SGCD: variants seen among roughly 807,000 people sequenced by gnomAD.
The protein encoded by SGCD is sarcoglycan delta.
In SGCD, 18 loss-of-function variants were observed where a neutral mutation model predicts 36.6. The observed-to-expected ratio is 0.49, with a 90% CI of 0.34 to 0.73. The LOEUF is 0.73. Ranked by LOEUF, SGCD falls within the 30% of genes least tolerant of loss-of-function variation. The probability of loss-of-function intolerance (pLI) is 0.01; values close to 1 mark genes in which losing one functional copy is unlikely to be tolerated. For missense variants in SGCD, 387 were observed against 346.7 expected (o/e 1.12, Z -0.92); for synonymous variants, 133 against 130.6 (o/e 1.02, Z -0.12).
At chr5:155,927,227 T>G (rs1757010870) in intron 1 of SGCD, among the ~76,000 whole-genome samples, 1 of 152,212 alleles carries the variant, frequency 6.6e-6, no homozygotes, top group Non-Finnish European at 1.5e-5. Context: ...GAATAATGAC[T>G]GGAGAATAGT....
chr5:156,136,447 T>C lies in SGCD; in HGVS notation c.-44+12428T>C, dbSNP rs114009853. Reference sequence around the variant, plus strand: ...TTAGAATAAAAATATGTTTCTTTTTTCTCAGAAATGGATGACCACATGCAA... The same window carrying C: ...TTAGAATAAAAATATGTTTCTTTTTCCTCAGAAATGGATGACCACATGCAA... On this transcript the variant is annotated intron_variant, in intron 3 of 9. Transcript: ENST00000517913. 8.5e-5 allele frequency among the ~76,000 whole-genome samples: 13 copies of C among 152,304 alleles called. No individual in the cohort carries two copies. The East Asian group carries it at 2.3e-3, about 27-fold the overall frequency.
chr5:156,126,343 A>G (rs937228862), intron 3 of SGCD, among the ~76,000 whole-genome samples: 1 of 152,204 alleles, frequency 6.6e-6, no homozygotes, highest in Non-Finnish European at 1.5e-5. Context: ...TCTGTCAAGA[A>G]TATTCACTTA....
intron 1 of SGCD, among the ~76,000 whole-genome samples, chr5:155,908,091 T>A (rs1157545847): frequency 1.3e-5 from 2 of 152,180 alleles, no homozygotes; most frequent in Non-Finnish European, 2.9e-5. Flanking sequence ...AAGGCTCAGA[T>A]GATCATTAGC....
chr5:156,004,037 A>G (rs1758712288), intron 1 of SGCD, among the ~76,000 whole-genome samples: 1 of 152,216 alleles, frequency 6.6e-6, no homozygotes, highest in Non-Finnish European at 1.5e-5. Flanking sequence ...AGAGAAGTCC[A>G]TTCATATTTT....
rs78710667 is a variant in SGCD at position 156,163,391 on chromosome 5, C to T, written c.-44+39372C>T. ...GCCATGGAGGAATCTACTAGCTTGG[C>T]ATGACTCTGATGTACTTTGTCTCAA... On this transcript the variant is annotated intron_variant, in intron 3 of 9. Coordinates refer to the SGCD transcript ENST00000517913. 7.9e-4 allele frequency among the ~76,000 whole-genome samples: 120 copies of T among 151,626 alleles called. 4 individuals are homozygous for T. The East Asian group carries it at 0.023, about 29-fold the overall frequency.
intron 1 of SGCD, among the ~76,000 whole-genome samples, chr5:156,000,514 A>C (rs1561678174): frequency 1.3e-5 from 2 of 152,098 alleles, no homozygotes; most frequent in African/African-American, 4.8e-5. Context: ...ATTAGCAGAA[A>C]TTTTTTCAAA....
At chr5:156,074,555 C>T (rs182770352) in intron 1 of SGCD, among the ~76,000 whole-genome samples, 213 of 152,186 alleles carry the variant, frequency 1.4e-3, no homozygotes, top group Non-Finnish European at 2.5e-3. Context: ...GGTGGCATGC[C>T]TGTAGTCCGA....
At chr5:155,910,928 A>G (rs1345901488) in intron 1 of SGCD, among the ~76,000 whole-genome samples, 1 of 152,114 alleles carries the variant, frequency 6.6e-6, no homozygotes, top group Non-Finnish European at 1.5e-5. Context: ...TATCTTCTGC[A>G]TGAAAATTGT....
chr5:156,158,048 T>C (rs1306312358), intron 3 of SGCD, among the ~76,000 whole-genome samples: 1 of 150,002 alleles, frequency 6.7e-6, no homozygotes, highest in African/African-American at 2.5e-5. Context: ...AACTGTGTAA[T>C]TGGTTTTTTG....
intron 3 of SGCD, among the ~76,000 whole-genome samples, chr5:156,180,027 A>G (rs1763565076): frequency 1.3e-5 from 2 of 152,166 alleles, no homozygotes; most frequent in Admixed American, 1.3e-4. Context: ...TATTTATAGT[A>G]TTTTACTTGG....
intron 1 of SGCD, among the ~76,000 whole-genome samples, chr5:156,007,131 AC>A (rs1480939635): frequency 6.6e-6 from 1 of 152,092 alleles, no homozygotes; most frequent in East Asian, 1.9e-4. Flanking sequence ...CTCTAGACTC[AC>A]CCCTAATCCT....
intron 4 of SGCD, among the ~76,000 whole-genome samples, chr5:156,557,973 G>C (rs981962429): frequency 6.6e-6 from 1 of 151,290 alleles, no homozygotes; most frequent in African/African-American, 2.4e-5. Flanking sequence ...TCTTGAGGAA[G>C]GACTATGTCT....
chr5:156,478,389 C>T (rs1471596102), intron 3 of SGCD, among the ~76,000 whole-genome samples: 2 of 152,142 alleles, frequency 1.3e-5, no homozygotes, highest in Admixed American at 1.3e-4. Context: ...TCTGCTCCCC[C>T]TGGGCTACTC....
At chr5:156,311,849 C>A (rs975855944) in intron 3 of SGCD, among the ~76,000 whole-genome samples, 1 of 152,182 alleles carries the variant, frequency 6.6e-6, no homozygotes, top group South Asian at 2.1e-4. Context: ...GAGCTTATTT[C>A]TTCTCTGCTC....
At chr5:156,604,207 G>T (rs1761321824) in intron 6 of SGCD, among the ~76,000 whole-genome samples, 3 of 151,424 alleles carry the variant, frequency 2.0e-5, no homozygotes, top group Admixed American at 2.0e-4. Flanking sequence ...TATAAGTATG[G>T]CTACTCCTGC....
intron 1 of SGCD, among the ~76,000 whole-genome samples, chr5:155,890,656 A>ATAGG (rs1238608744): frequency 6.7e-6 from 1 of 149,818 alleles, no homozygotes; most frequent in Non-Finnish European, 1.5e-5. Flanking sequence ...AGATAGATAG[A>ATAGG]TAGATAGATA....
intron 3 of SGCD, among the ~76,000 whole-genome samples, chr5:156,271,869 C>G (rs1766191157): frequency 6.6e-6 from 1 of 152,074 alleles, no homozygotes; most frequent in African/African-American, 2.4e-5. Context: ...CACCAACATT[C>G]TGATAAATAA....
intron 1 of SGCD, among the ~76,000 whole-genome samples, chr5:155,970,550 T>TA (rs1266940239): frequency 6.6e-6 from 1 of 152,154 alleles, no homozygotes; most frequent in Non-Finnish European, 1.5e-5. Context: ...TAATTGCCAT[T>TA]ATATTTTATT....
chr5:156,464,216 ATTTTTT>A (rs773294916), intron 3 of SGCD, among the ~76,000 whole-genome samples: 2 of 116,294 alleles, frequency 1.7e-5, no homozygotes, highest in South Asian at 3.0e-4. Flanking sequence ...GAATCTACAT[ATTTTTT>A]TTTTTTTTTT....
Sources: gnomAD v4.1 joint callset for allele counts (sites outside exome capture counted in the v4.1 genomes callset) on GRCh38, gnomAD v4.1.1 for gene constraint, MANE v1.5 for transcripts, NCBI Gene and HGNC (gene_info 2026-07-23, HGNC 2026-07-21) for gene names.